EPHA3: variants seen among roughly 807,000 people sequenced by gnomAD.
The protein encoded by EPHA3 is EPH receptor A3.
In EPHA3, 42 loss-of-function variants were observed where a neutral mutation model predicts 107.1. The ratio of observed to expected loss-of-function variants is 0.39; its 90% CI spans 0.31 to 0.51. The LOEUF (loss-of-function observed/expected upper bound fraction) is 0.51, where lower values mean the gene tolerates loss of function less well. EPHA3 is among the 20% of genes least tolerant of loss of function. The pLI is 0.78. For missense variants in EPHA3, 1,183 were observed against 1,211.2 expected, an observed-to-expected ratio of 0.98 and a Z score of 0.35; for synonymous variants, 461 against 424.8, an observed-to-expected ratio of 1.09 and a Z score of -1.05.
intron 2 of EPHA3, among the ~76,000 whole-genome samples, chr3:89,172,620 A>T (rs1275980135): frequency 1.3e-5 from 2 of 152,216 alleles, no homozygotes; most frequent in Non-Finnish European, 2.9e-5. Flanking sequence ...TATTAGAATA[A>T]TATGCAAAAT....
intron 3 of EPHA3, among the ~76,000 whole-genome samples, chr3:89,231,049 A>G (rs7427519): frequency 1.2e-4 from 19 of 152,136 alleles, no homozygotes; most frequent in Non-Finnish European, 1.5e-5. Context: ...CTCATTTGTT[A>G]TACATTACCC....
chr3:89,418,974 T>C (rs1709303041), intron 10 of EPHA3, among the ~76,000 whole-genome samples: 2 of 151,530 alleles, frequency 1.3e-5, no homozygotes, highest in South Asian at 2.1e-4. Context: ...CTTTAAAGTA[T>C]ATGGAATTTT....
rs2107522027 is a variant in EPHA3, at chr3:89,413,210, A to G, written c.1832A>G (p.Glu611Gly). The change falls in exon 10 of 17, where the codon GAG (glutamate) becomes GGG (glycine). Residue 611 changes from glutamate to glycine, a missense_variant. Glu to Gly is a moderately conservative substitution (Grantham distance 98). Transcript: ENST00000336596. ...GAAGACCCTACCCAAGCTGTTCATG[A>G]GTTTGCCAAGGAATTGGATGCCACC... ...TYEDPTQAVH[E>G]FAKELDATNI... 6.2e-7 allele frequency: 1 copy of G among 1,611,940 alleles called. No individual in the cohort carries two copies. The highest frequency in any genetic ancestry group is 8.5e-7 in the Non-Finnish European group (1 of 1,178,512).
At position 89,479,590 on chromosome 3, in the gene EPHA3, C is replaced by T; in HGVS notation, c.*88C>T. On this transcript the variant is annotated 3_prime_UTR_variant, in exon 17 of 17. Coordinates refer to ENST00000336596, the MANE Select transcript of EPHA3 (RefSeq NM_005233.6). ...CAGACAGACAATAATTCTGGAGATACTGGTGGAAGTTCCAAGTCCAATAAG... is the reference window on the plus strand; with the variant it reads ...CAGACAGACAATAATTCTGGAGATATTGGTGGAAGTTCCAAGTCCAATAAG... The T allele has an allele frequency of 9.8e-7, 1 of 1,019,134 alleles. No homozygotes were observed. Among genetic ancestry groups the T allele is most frequent in the Non-Finnish European group, 1.5e-6 (1 of 663,864 alleles). 63.1% of individuals were successfully genotyped at this position (1,019,134 alleles called of 1,614,324 possible). A position where few individuals can be genotyped will look rare whatever the true frequency, so the allele number is the denominator to read the frequency against.
At chr3:89,336,180 C>T (rs1234009519) in intron 3 of EPHA3, among the ~76,000 whole-genome samples, 1 of 152,114 alleles carries the variant, frequency 6.6e-6, no homozygotes, top group African/African-American at 2.4e-5. Context: ...CTTTTATTCT[C>T]TTATATGTGC....
At chr3:89,153,523 A>G (rs1305712780) in intron 2 of EPHA3, among the ~76,000 whole-genome samples, 1 of 152,022 alleles carries the variant, frequency 6.6e-6, no homozygotes, top group Non-Finnish European at 1.5e-5. Flanking sequence ...ATCAGGCCAA[A>G]ATCTCTGGAG....
chr3:89,331,764 C>A (rs2107399112), intron 3 of EPHA3, among the ~76,000 whole-genome samples: 1 of 152,208 alleles, frequency 6.6e-6, no homozygotes, highest in South Asian at 2.1e-4. Context: ...AACCAAACCT[C>A]ATGTTCTAGT....
intron 3 of EPHA3, among the ~76,000 whole-genome samples, chr3:89,255,329 A>AAG (rs995431435): frequency 1.7e-4 from 26 of 152,048 alleles, no homozygotes; most frequent in Non-Finnish European, 2.4e-4. Context: ...ATCATGGCCA[A>AAG]AGAGAGAGAG....
intron 5 of EPHA3, among the ~76,000 whole-genome samples, chr3:89,384,836 C>T (rs886810187): frequency 1.8e-4 from 28 of 152,150 alleles, no homozygotes; most frequent in African/African-American, 6.8e-4. Flanking sequence ...CCATCATTCT[C>T]ATCACCTTGT....
At chr3:89,469,164 A>C (rs1226715045) in intron 15 of EPHA3, among the ~76,000 whole-genome samples, 1 of 152,200 alleles carries the variant, frequency 6.6e-6, no homozygotes, top group Admixed American at 6.5e-5. Flanking sequence ...TCAATTTATA[A>C]TTTGAACTTG....
chr3:89,441,346 G>A (rs949860139), intron 13 of EPHA3, among the ~76,000 whole-genome samples: 3 of 152,148 alleles, frequency 2.0e-5, no homozygotes, highest in Non-Finnish European at 4.4e-5. Flanking sequence ...CTGAAATTGA[G>A]GTTTTAGATA....
At chr3:89,324,907 C>T (rs537804277) in intron 3 of EPHA3, among the ~76,000 whole-genome samples, 18 of 152,182 alleles carry the variant, frequency 1.2e-4, no homozygotes, top group African/African-American at 2.6e-4. Context: ...TTTATATTTG[C>T]GAGTACCCAG....
intron 3 of EPHA3, among the ~76,000 whole-genome samples, chr3:89,284,329 A>T (rs2107319147): frequency 6.6e-6 from 1 of 152,300 alleles, no homozygotes; most frequent in Non-Finnish European, 1.5e-5. Flanking sequence ...TATTGAAAAA[A>T]ATAAACCATT....
chr3:89,428,968 T>C, intron 11 of EPHA3, 138 bp from the exon 12 acceptor site: 1 of 494,042 alleles, frequency 2.0e-6, no homozygotes, highest in Non-Finnish European at 3.2e-6. Context: ...TAGGGCTTTT[T>C]AAAATTTTTA....
At chr3:89,406,733 A>G (rs1709062758) in intron 7 of EPHA3, among the ~76,000 whole-genome samples, 1 of 152,146 alleles carries the variant, frequency 6.6e-6, no homozygotes, top group African/African-American at 2.4e-5. Flanking sequence ...TTTGCCAACC[A>G]TTTGTCTAGG....
intron 15 of EPHA3, among the ~76,000 whole-genome samples, chr3:89,467,888 GT>G (rs1186285036): frequency 6.6e-6 from 1 of 152,200 alleles, no homozygotes; most frequent in Non-Finnish European, 1.5e-5. Context: ...GTGGAGCTCT[GT>G]AGGACATCGT....
At position 89,135,151 on chromosome 3, in the gene EPHA3, A is replaced by C. The variant is rs113461306; in HGVS notation, c.153+7878A>C. ...CTCAAATATTGATATTTCAGATTTC[A>C]GGTCAAATGTTACTTTTTCATGGAG... On this transcript the variant is annotated intron_variant, in intron 2 of 16. Coordinates refer to ENST00000336596, the MANE Select transcript of EPHA3 (RefSeq NM_005233.6). 4.8e-3 allele frequency among the ~76,000 whole-genome samples: 733 copies of C among 152,274 alleles called. 6 individuals carry two copies. Among genetic ancestry groups the C allele is most frequent in the African/African-American group, 0.017 (709 of 41,556 alleles).
At chr3:89,415,633 A>G (rs1325446805) in intron 10 of EPHA3, among the ~76,000 whole-genome samples, 3 of 150,980 alleles carry the variant, frequency 2.0e-5, no homozygotes, top group Admixed American at 6.6e-5. Flanking sequence ...TTAGCTTCCC[A>G]CAGTAGTAGA....
intron 5 of EPHA3, among the ~76,000 whole-genome samples, chr3:89,365,778 G>T (rs146743479): frequency 0.012 from 1,787 of 150,678 alleles, 98 homozygotes; most frequent in Non-Finnish European, 0.018. Flanking sequence ...TCCTTGAATA[G>T]GGTCTCTGCC....
Sources: gnomAD v4.1 joint callset for allele counts (sites outside exome capture counted in the v4.1 genomes callset) on GRCh38, gnomAD v4.1.1 for gene constraint, MANE v1.5 for transcripts, NCBI Gene and HGNC (gene_info 2026-07-23, HGNC 2026-07-21) for gene names.